Variants in DDAH1 observed in about 807,000 individuals in gnomAD.
The protein encoded by DDAH1 is N(G),N(G)-dimethylarginine dimethylaminohydrolase 1.
Under a neutral mutation model 28.8 loss-of-function variants are expected in DDAH1, and 19 were observed. The observed-to-expected ratio is 0.66, with a 90% CI of 0.46 to 0.97. The LOEUF (loss-of-function observed/expected upper bound fraction) is 0.97, where lower values mean the gene tolerates loss of function less well. Among genes scored for constraint, DDAH1 ranks in the 50% least tolerant of loss-of-function variants. The probability of loss-of-function intolerance (pLI) is 0.00; values close to 1 mark genes in which losing one functional copy is unlikely to be tolerated. For missense variants in DDAH1, 326 were observed against 375.9 expected, an observed-to-expected ratio of 0.87 and a Z score of 1.10; for synonymous variants, 153 against 154.4, an observed-to-expected ratio of 0.99 and a Z score of 0.07.
rs556553962 is a variant in DDAH1 at position 85,410,052 on chromosome 1, G to A, written c.304-51205C>T. Among the ~76,000 whole-genome samples the A allele has an allele frequency of 3.4e-4, 52 of 152,132 alleles. No individual in the cohort carries two copies. In the South Asian group the frequency reaches 9.4e-3, roughly 27 times the overall value. ...TCCCAGCACTTTGGGAGGCTGAGGC[G>A]GGAGGATCACTTGAGCCCAGGAGTT... On this transcript the variant is annotated intron_variant, in intron 1 of 5. Transcript: ENST00000284031.
intron 4 of DDAH1, among the ~76,000 whole-genome samples, chr1:85,327,136 G>A (rs563368302): frequency 3.3e-5 from 5 of 152,092 alleles, no homozygotes; most frequent in Non-Finnish European, 5.9e-5. Flanking sequence ...GCCTGAGCCC[G>A]GGAGTTTGAG....
chr1:85,425,873 C>G (rs543438337), intron 1 of DDAH1, among the ~76,000 whole-genome samples: 1 of 152,272 alleles, frequency 6.6e-6, no homozygotes, highest in African/African-American at 2.4e-5. Context: ...GCCTCAGTTT[C>G]TCTCTTTGAA....
At chr1:85,348,224 TGGGAA>T (rs945982990) in intron 4 of DDAH1, among the ~76,000 whole-genome samples, 7 of 152,186 alleles carry the variant, frequency 4.6e-5, no homozygotes, top group African/African-American at 1.4e-4. Context: ...AATTTGACCA[TGGGAA>T]GGGAAAGATG....
chr1:85,436,515 G>A (rs1408469206), intron 1 of DDAH1, among the ~76,000 whole-genome samples: 1 of 152,202 alleles, frequency 6.6e-6, no homozygotes, highest in Non-Finnish European at 1.5e-5. Flanking sequence ...CTGCTGATGT[G>A]AAAACATATA....
chr1:85,366,820 T>G (rs1411582285), intron 1 of DDAH1, among the ~76,000 whole-genome samples: 2 of 152,164 alleles, frequency 1.3e-5, no homozygotes, highest in Non-Finnish European at 2.9e-5. Flanking sequence ...ACAAAGAGTG[T>G]GTCAACTCAA....
chr1:85,493,345 G>A (rs1656470165), intron 2 of DDAH1: 1 of 152,004 alleles, frequency 6.6e-6, no homozygotes. Context: ...GATTCTTAAA[G>A]CTTCTATTTT....
intron 4 of DDAH1, among the ~76,000 whole-genome samples, chr1:85,342,749 T>C (rs1304284730): frequency 6.6e-6 from 1 of 152,200 alleles, no homozygotes; most frequent in Non-Finnish European, 1.5e-5. Flanking sequence ...TTATTCGGGA[T>C]TGTAAGCTGG....
rs546509467 is a variant in DDAH1, at chr1:85,430,552, G to A, written c.303+34191C>T. ...ATGATCATGGAATGTTTTTCCATTT[G>A]TTTGTGTCCTCTCTTATTTCCTTGA... On this transcript the variant is annotated intron_variant, in intron 1 of 5. Transcript: ENST00000284031. 7.3e-4 allele frequency among the ~76,000 whole-genome samples: 111 copies of A among 152,212 alleles called. 1 individual carries two copies. The Middle Eastern group carries it at 0.01, about 14-fold the overall frequency.
At chr1:85,537,024 A>T (rs1658310990) in intron 1 of DDAH1, among the ~76,000 whole-genome samples, 1 of 149,594 alleles carries the variant, frequency 6.7e-6, no homozygotes, top group Admixed American at 6.7e-5. Context: ...ATATATATAT[A>T]CACAGTGGAA....
chr1:85,480,462 C>T (rs1655968119), intron 2 of DDAH1, among the ~76,000 whole-genome samples: 1 of 152,100 alleles, frequency 6.6e-6, no homozygotes, highest in African/African-American at 2.4e-5. Flanking sequence ...AAATCAGGAA[C>T]AGGCAGGTGC....
At chr1:85,473,113 C>T (rs986765560) in intron 2 of DDAH1, among the ~76,000 whole-genome samples, 2 of 152,080 alleles carry the variant, frequency 1.3e-5, no homozygotes, top group African/African-American at 2.4e-5. Context: ...TTTTCTTTAT[C>T]CAATACATCA....
intron 1 of DDAH1, among the ~76,000 whole-genome samples, chr1:85,557,409 C>G (rs1459839484): frequency 6.6e-6 from 1 of 152,172 alleles, no homozygotes; most frequent in African/African-American, 2.4e-5. Flanking sequence ...AAGATATGTG[C>G]TTGTGCCATC....
intron 1 of DDAH1, among the ~76,000 whole-genome samples, chr1:85,422,145 C>T (rs1653174511): frequency 1.3e-5 from 2 of 152,180 alleles, no homozygotes; most frequent in Non-Finnish European, 2.9e-5. Flanking sequence ...TAATTTGCAA[C>T]TCCTTAACAA....
At chr1:85,372,100 G>A (rs1013166655) in intron 1 of DDAH1, among the ~76,000 whole-genome samples, 2 of 152,112 alleles carry the variant, frequency 1.3e-5, no homozygotes, top group Non-Finnish European at 2.9e-5. Flanking sequence ...AGGATAAGCA[G>A]AGTGCATAGT....
chr1:85,347,000 C>A (rs562936278), intron 4 of DDAH1, among the ~76,000 whole-genome samples: 4,723 of 152,040 alleles, frequency 0.031, 96 homozygotes, highest in Non-Finnish European at 0.05. Flanking sequence ...ATGCAGCCAA[C>A]AGACACATGA....
chr1:85,412,665 T>C (rs1445607919), intron 1 of DDAH1, among the ~76,000 whole-genome samples: 1 of 152,118 alleles, frequency 6.6e-6, no homozygotes, highest in Admixed American at 6.5e-5. Context: ...CCTTAGAGAA[T>C]GATGAGAACT....
intron 1 of DDAH1, among the ~76,000 whole-genome samples, chr1:85,559,987 T>C (rs1659094968): frequency 6.6e-6 from 1 of 151,874 alleles, no homozygotes; most frequent in African/African-American, 2.4e-5. Flanking sequence ...TTAAATCCCA[T>C]GCAGGATAAA....
intron 1 of DDAH1, among the ~76,000 whole-genome samples, chr1:85,548,017 T>TA (rs1334506953): frequency 6.6e-6 from 1 of 152,226 alleles, no homozygotes; most frequent in African/African-American, 2.4e-5. Flanking sequence ...ATATAGCTGT[T>TA]ATTGCTAAGG....
At chr1:85,435,112 T>C (rs1278032040) in intron 1 of DDAH1, 1 of 152,196 alleles carries the variant, frequency 6.6e-6, no homozygotes, top group Non-Finnish European at 1.5e-5. Context: ...TAACAGATTA[T>C]TGATGCTATA....
Sources: allele counts gnomAD v4.1 joint callset (sites outside exome capture counted in the v4.1 genomes callset), GRCh38; gene constraint gnomAD v4.1.1; transcripts MANE v1.5; gene names NCBI Gene and HGNC (gene_info 2026-07-23, HGNC 2026-07-21).